FHIT: variants seen among roughly 807,000 people sequenced by gnomAD.
FHIT encodes the protein bis(5'-adenosyl)-triphosphatase.
In FHIT, 19 loss-of-function variants were observed where a neutral mutation model predicts 17.9. That is an observed-to-expected ratio of 1.06 (90% CI 0.74 to 1.56). The LOEUF is 1.56. FHIT is among the 40% of genes most tolerant of loss of function. The pLI, the probability that FHIT is intolerant of heterozygous loss-of-function variation, is 0.00. For missense variants in FHIT, 248 were observed against 189.2 expected (o/e 1.31, Z -1.82); for synonymous variants, 81 against 69.7 (o/e 1.16, Z -0.81).
At chr3:60,540,957 A>T (rs2036167207) in intron 4 of FHIT, among the ~76,000 whole-genome samples, 1 of 152,160 alleles carries the variant, frequency 6.6e-6, no homozygotes. Flanking sequence ...TTAGAAATGC[A>T]AATTTTGAGG....
intron 5 of FHIT, among the ~76,000 whole-genome samples, chr3:60,197,057 G>A (rs969972138): frequency 5.3e-5 from 8 of 152,140 alleles, no homozygotes; most frequent in Non-Finnish European, 1.0e-4. Context: ...TCAAGTCGGT[G>A]TTCCCCATAG....
At chr3:60,564,877 G>C (rs1280708496) in intron 4 of FHIT, among the ~76,000 whole-genome samples, 3 of 152,156 alleles carry the variant, frequency 2.0e-5, no homozygotes, top group Non-Finnish European at 4.4e-5. Context: ...CACTGTCAAA[G>C]ACGATTAACT....
chr3:59,920,998 C>T (rs757914474), intron 8 of FHIT, among the ~76,000 whole-genome samples: 4 of 152,142 alleles, frequency 2.6e-5, no homozygotes, highest in Non-Finnish European at 4.4e-5. Context: ...ATCAGAATCT[C>T]CAGCGACGGG....
chr3:60,042,488 G>A (rs148148060), intron 5 of FHIT, among the ~76,000 whole-genome samples: 1 of 152,300 alleles, frequency 6.6e-6, no homozygotes, highest in Non-Finnish European at 1.5e-5. Context: ...CTGTGAAGGA[G>A]GATGTGTTCC....
At chr3:60,370,083 G>C (rs1275335011) in intron 5 of FHIT, among the ~76,000 whole-genome samples, 1 of 152,222 alleles carries the variant, frequency 6.6e-6, no homozygotes, top group African/African-American at 2.4e-5. Context: ...CGAGAGCTTT[G>C]AATCTCAATT....
chr3:59,845,626 T>C (rs1454368060), intron 8 of FHIT, among the ~76,000 whole-genome samples: 1 of 152,156 alleles, frequency 6.6e-6, no homozygotes, highest in Non-Finnish European at 1.5e-5. Flanking sequence ...CATCCTATTG[T>C]GATCAGAGAA....
intron 7 of FHIT, among the ~76,000 whole-genome samples, chr3:59,963,288 T>C (rs1363248717): frequency 3.4e-5 from 5 of 149,100 alleles, no homozygotes; most frequent in Admixed American, 1.4e-4. Context: ...ATAATAATAA[T>C]AATAAAAGAA....
intron 5 of FHIT, among the ~76,000 whole-genome samples, chr3:60,038,643 T>C (rs187438079): frequency 1.3e-3 from 193 of 152,234 alleles, no homozygotes; most frequent in Non-Finnish European, 2.1e-3. Context: ...AAGGGAGAAA[T>C]TTTGGTGACA....
chr3:60,108,924 A>G (rs1231348061), intron 5 of FHIT, among the ~76,000 whole-genome samples: 5 of 151,934 alleles, frequency 3.3e-5, no homozygotes, highest in African/African-American at 1.2e-4. Flanking sequence ...CAACCTCCCA[A>G]AGTGCCAGGA....
At position 60,795,229 on chromosome 3, in the gene FHIT, T is replaced by A. The variant is rs1700935565; in HGVS notation, c.-18+26690A>T. 2.6e-5 allele frequency among the ~76,000 whole-genome samples: 4 copies of A among 152,212 alleles called. No homozygotes were observed. The South Asian group carries it at 8.3e-4, about 31-fold the overall frequency. ...AGATATAAAATTAATTTTACCAGTTTTCATTTTTAAATAGAATTAACATTA... is the reference window on the plus strand; with the variant it reads ...AGATATAAAATTAATTTTACCAGTTATCATTTTTAAATAGAATTAACATTA... On this transcript the variant is annotated intron_variant, in intron 4 of 9. Coordinates refer to ENST00000492590, the MANE Select transcript of FHIT (RefSeq NM_002012.4).
At chr3:60,844,341 T>C (rs1553745853) in intron 3 of FHIT, among the ~76,000 whole-genome samples, 2 of 152,022 alleles carry the variant, frequency 1.3e-5, no homozygotes, top group African/African-American at 2.4e-5. Context: ...TCCTGGGGAA[T>C]AGATTTTCTT....
chr3:59,969,328 G>C (rs1414558108), intron 7 of FHIT, among the ~76,000 whole-genome samples: 1 of 152,072 alleles, frequency 6.6e-6, no homozygotes, highest in African/African-American at 2.4e-5. Flanking sequence ...TGTGGTTGCA[G>C]TCTGTAAGTG....
chr3:61,218,505 T>C (rs1182350601), intron 1 of FHIT, among the ~76,000 whole-genome samples: 1 of 151,640 alleles, frequency 6.6e-6, no homozygotes, highest in Admixed American at 6.6e-5. Context: ...GAGGAAAGAG[T>C]GGCAACTAAA....
intron 1 of FHIT, among the ~76,000 whole-genome samples, chr3:61,210,747 C>T (rs995932178): frequency 6.6e-6 from 1 of 152,164 alleles, no homozygotes; most frequent in African/African-American, 2.4e-5. Flanking sequence ...TGACCCCTTG[C>T]GCTTCCCGGA....
intron 5 of FHIT, among the ~76,000 whole-genome samples, chr3:60,501,390 A>T (rs1354114757): frequency 6.6e-6 from 1 of 152,230 alleles, no homozygotes; most frequent in East Asian, 1.9e-4. Context: ...TGTAATACTC[A>T]GTTCTATAGA....
At chr3:60,493,133 C>T (rs2034138547) in intron 5 of FHIT, among the ~76,000 whole-genome samples, 1 of 152,090 alleles carries the variant, frequency 6.6e-6, no homozygotes. Flanking sequence ...TAAAGGTCAA[C>T]TGGAATTTAG....
chr3:60,414,779 G>C (rs1019822266), intron 5 of FHIT, among the ~76,000 whole-genome samples: 4 of 152,176 alleles, frequency 2.6e-5, no homozygotes, highest in African/African-American at 9.7e-5. Context: ...AATAGTAGAA[G>C]ATGTGAGCAT....
intron 2 of FHIT, among the ~76,000 whole-genome samples, chr3:61,199,379 A>G (rs2038950091): frequency 1.3e-5 from 2 of 152,214 alleles, no homozygotes; most frequent in African/African-American, 4.8e-5. Flanking sequence ...ATGTGGCTCA[A>G]TGGTCCAGAG....
At position 59,752,274 on chromosome 3, in the gene FHIT, C is replaced by A; in HGVS notation, c.396G>T (p.Glu132Asp). 1 of 1,613,302 alleles carries A rather than the reference C, an allele frequency of 6.2e-7. No homozygotes were observed. Among genetic ancestry groups the A allele is most frequent in the African/African-American group, 1.3e-5 (1 of 74,998 alleles). Residue 132 changes from glutamate to aspartate, a missense_variant, in exon 9 of 10, where the codon GAG (glutamate) becomes GAT (aspartate). Transcript: ENST00000492590. Reference sequence around the variant, plus strand: ...CTGCGGCTTCTGCTGCCATTTCCTCCTCTGATCTCCAAGAGGCAGGAAAGT... The same window carrying A: ...CTGCGGCTTCTGCTGCCATTTCCTCATCTGATCTCCAAGAGGCAGGAAAGT... ...KEDFPASWRS[E>D]EEMAAEAAAL...
Sources: allele counts gnomAD v4.1 joint callset (sites outside exome capture counted in the v4.1 genomes callset), GRCh38; gene constraint gnomAD v4.1.1; transcripts MANE v1.5; gene names NCBI Gene and HGNC (gene_info 2026-07-23, HGNC 2026-07-21).